Variants in PTPRH observed in about 807,000 individuals in gnomAD.
PTPRH encodes protein tyrosine phosphatase receptor type H.
In PTPRH, 113 loss-of-function variants were observed where a neutral mutation model predicts 130.2. The observed-to-expected ratio is 0.87, with a 90% confidence interval of 0.75 to 1.01. PTPRH has a LOEUF of 1.01. Ranked by LOEUF, PTPRH falls within the 50% of genes least tolerant of loss-of-function variation. PTPRH has a pLI of 0.00. For missense variants in PTPRH, 1,430 were observed against 1,425.0 expected (o/e 1.00, Z -0.06); for synonymous variants, 556 against 577.9 (o/e 0.96, Z 0.54).
chr19:55,201,427 G>T (rs995243089), intron 6 of PTPRH, among the ~76,000 whole-genome samples: 5 of 152,230 alleles, frequency 3.3e-5, no homozygotes, highest in African/African-American at 1.2e-4. Context: ...GTGTGGTGAT[G>T]AAGACAGTCT....
Position 55,185,864 on chromosome 19 carries a change from G to A in PTPRH, c.2899C>T (p.Gln967Ter), listed in dbSNP as rs772345775. Residue 967 changes from glutamine (Q) to a stop codon, truncating the protein, a stop_gained and splice_region_variant, in exon 17 of 20, where the codon CAG (glutamine) becomes TAG (stop). Transcript: ENST00000376350. LOFTEE classifies it high-confidence loss of function. ...NWTVRELLLL[Q>*]VEEQKTLSVR... ...AGGACGGGGCTGGACACACGCACCTGGAGGAGCAGCAGTTCCCGCACCGTC... is the reference window on the plus strand; with the variant it reads ...AGGACGGGGCTGGACACACGCACCTAGAGGAGCAGCAGTTCCCGCACCGTC... 3 of 1,614,162 alleles carry A rather than the reference G, an allele frequency of 1.9e-6. No homozygotes were observed. The Admixed American group carries it at 5.0e-5, about 27-fold the overall frequency.
intron 18 of PTPRH, among the ~76,000 whole-genome samples, chr19:55,184,831 A>G (rs1037099134): frequency 6.6e-6 from 1 of 151,810 alleles, no homozygotes; most frequent in African/African-American, 2.4e-5. Flanking sequence ...AATAAATAAA[A>G]TAAAATAAAT....
chr19:55,198,628 C>A lies in PTPRH; in HGVS notation c.1690+15G>T. On this transcript the variant is annotated intron_variant, in intron 8 of 19. Coordinates refer to ENST00000376350, the MANE Select transcript of PTPRH (RefSeq NM_002842.5). The stretch of plus-strand genomic sequence containing the variant: ...CATCCTAATAGGGCTGGGTTCAGAA[C>A]CGACTGTGTCTCACCAGTGGCTGCA... The A allele has an allele frequency of 1.9e-6, 3 of 1,582,876 alleles. No homozygotes were observed. The highest frequency in any genetic ancestry group is 1.2e-5 in the South Asian group (1 of 86,452).
At chr19:55,202,674 T>TA (rs1491284359) in intron 5 of PTPRH, among the ~76,000 whole-genome samples, 35 of 151,752 alleles carry the variant, frequency 2.3e-4, no homozygotes, top group African/African-American at 4.8e-4. Flanking sequence ...TATATATATA[T>TA]TTTGTGGGTA....
chr19:55,186,953 G>A (rs991446767), intron 14 of PTPRH, among the ~76,000 whole-genome samples: 1 of 151,960 alleles, frequency 6.6e-6, no homozygotes, highest in Non-Finnish European at 1.5e-5. Flanking sequence ...GCTGAGGCGG[G>A]AGGATTGCTT....
In PTPRH at chr19:55,185,156, G is replaced by A. The variant is rs143910926; in HGVS notation, c.3062+346C>T. The stretch of plus-strand genomic sequence containing the variant: ...ATTACAGGTGCCCGCCACGACACCC[G>A]GCTAATTTTTGTATGTTTAGTAGAG... On this transcript the variant is annotated intron_variant, in intron 18 of 19. Coordinates refer to ENST00000376350, the MANE Select transcript of PTPRH (RefSeq NM_002842.5). 7.3e-4 allele frequency among the ~76,000 whole-genome samples: 111 copies of A among 151,930 alleles called. 1 individual carries two copies. The highest frequency in any genetic ancestry group is 2.5e-3 in the African/African-American group (103 of 41,428).
chr19:55,201,212 C>T (rs551926566), intron 6 of PTPRH, among the ~76,000 whole-genome samples: 47 of 152,044 alleles, frequency 3.1e-4, no homozygotes, highest in African/African-American at 1.1e-3. Flanking sequence ...AAGACCTCAT[C>T]TCTAAAAAAA....
Position 55,209,258 on chromosome 19 carries a change from T to C in PTPRH, c.51+125A>G, listed in dbSNP as rs2087166861. ...ACAGTCTCTGCCAAGCCTGAAGCCC[T>C]CTTCCTTCTCCAGGGGATCTTCAGC... is the stretch of plus-strand genomic sequence containing the variant. On this transcript the variant is annotated intron_variant, in intron 1 of 19. Transcript: ENST00000376350. The surrounding 1 kb of genome is among the most constrained non-coding windows in gnomAD (Gnocchi z 4.1). 5 of 838,612 alleles carry C rather than the reference T, an allele frequency of 6.0e-6. No homozygotes were observed. The highest frequency in any genetic ancestry group is 1.0e-5 in the Non-Finnish European group (5 of 502,068). 51.9% of individuals were successfully genotyped at this position (838,612 alleles called of 1,614,324 possible).
chr19:55,188,369 C>T (rs906524071), intron 12 of PTPRH, among the ~76,000 whole-genome samples: 2 of 151,976 alleles, frequency 1.3e-5, no homozygotes, highest in Admixed American at 6.6e-5. Context: ...AAAAATTAGC[C>T]GGGCGTGGTG....
At chr19:55,207,570 A>AGGGCCTGG (rs901570666) in intron 1 of PTPRH, among the ~76,000 whole-genome samples, 1 of 140,544 alleles carries the variant, frequency 7.1e-6, no homozygotes, top group Non-Finnish European at 1.5e-5. Context: ...CTGAGGGTGG[A>AGGGCCTGG]GGGCCTGGGG....
Position 55,188,060 on chromosome 19 carries a change from CCT to C in PTPRH, c.2475+16_2475+17del, listed in dbSNP as rs1712019760. The C allele has an allele frequency of 6.2e-7, 1 of 1,602,154 alleles. No individual in the cohort carries two copies. Among genetic ancestry groups the C allele is most frequent in the Admixed American group, 1.7e-5 (1 of 59,974 alleles). ...CACCGGAGGGAGACTGAGCTCAGCC[CCT>C]CTGTCCTCTCCCCACCTGGTACTCG... is the stretch of plus-strand genomic sequence containing the variant. On this transcript the variant is annotated intron_variant, in intron 13 of 19. Transcript: ENST00000376350.
In PTPRH at chr19:55,198,510, G is replaced by T. The variant is rs956024794; in HGVS notation, c.1690+133C>A. Reference sequence around the variant, plus strand: ...ACACCCACTAGGAACGGGACCTACAGGTTTAAGCTCCGGCCGGTGAGGCTG... The same window carrying T: ...ACACCCACTAGGAACGGGACCTACATGTTTAAGCTCCGGCCGGTGAGGCTG... On this transcript the variant is annotated intron_variant, in intron 8 of 19. Coordinates refer to ENST00000376350, the MANE Select transcript of PTPRH (RefSeq NM_002842.5). The T allele has an allele frequency of 4.0e-6, 4 of 994,170 alleles. No homozygotes were observed. The African/African-American group carries it at 5.0e-5, about 12-fold the overall frequency. The allele number at this position is 994,170 out of a possible 1,614,324, so 61.6% of individuals were successfully genotyped here.
At position 55,182,171 on chromosome 19, in the gene PTPRH, G is replaced by A; in HGVS notation, c.3063-20C>T. Reference sequence around the variant, plus strand: ...CCAGCACTAGGCAGAACAAGGGAAGGGTCAGACCAAGGGGCAGGAGTGTGA... The same window carrying A: ...CCAGCACTAGGCAGAACAAGGGAAGAGTCAGACCAAGGGGCAGGAGTGTGA... On this transcript the variant is annotated intron_variant, in intron 18 of 19. Transcript: ENST00000376350. 2 of 1,611,530 alleles carry A rather than the reference G, an allele frequency of 1.2e-6. No homozygotes were observed. Among genetic ancestry groups the A allele is most frequent in the Admixed American group, 1.7e-5 (1 of 59,990 alleles).
rs2086171932 is a variant in PTPRH at position 55,181,585 on chromosome 19, C to T, written c.*169G>A. ...AGCTCCCATAGGACTCATCTGAAGCCCACCAGACCACTCTCTCCTGGGGAA... is the reference window on the plus strand; with the variant it reads ...AGCTCCCATAGGACTCATCTGAAGCTCACCAGACCACTCTCTCCTGGGGAA... On this transcript the variant is annotated 3_prime_UTR_variant, in exon 20 of 20. Transcript: ENST00000376350. The T allele has an allele frequency of 1.1e-6, 1 of 881,252 alleles. No homozygotes were observed. Among genetic ancestry groups the T allele is most frequent in the Non-Finnish European group, 1.7e-6 (1 of 572,190 alleles). 54.6% of individuals were successfully genotyped at this position (881,252 alleles called of 1,614,324 possible). A position where few individuals can be genotyped will look rare whatever the true frequency, so the allele number is the denominator to read the frequency against.
At chr19:55,201,993 C>T (rs2122225867) in intron 6 of PTPRH, 63 bp downstream of exon 6, 3 of 1,589,786 alleles carry the variant, frequency 1.9e-6, no homozygotes, top group Non-Finnish European at 2.6e-6. Flanking sequence ...CAATCGTCTA[C>T]ATTCTACTGC....
chr19:55,207,945 G>A (rs1238615041), intron 1 of PTPRH, among the ~76,000 whole-genome samples: 1 of 53,542 alleles, frequency 1.9e-5, no homozygotes. Context: ...AGGGGCTGGG[G>A]GTCTGGATTC....
intron 3 of PTPRH, 54 bp downstream of exon 3, chr19:55,206,635 C>G: frequency 4.0e-6 from 6 of 1,506,368 alleles, no homozygotes; most frequent in Non-Finnish European, 3.6e-6. Context: ...CTCAACCACC[C>G]CCTACCACTG....
Position 55,187,498 on chromosome 19 carries a change from G to A in PTPRH, c.2566+15C>T, listed in dbSNP as rs758299501. On this transcript the variant is annotated intron_variant, in intron 14 of 19. Coordinates refer to ENST00000376350, the MANE Select transcript of PTPRH (RefSeq NM_002842.5). ...ATCAGGGCTGGGACAAAAGCAGCAG[G>A]AACCCGAGACTCACAGGGCAGCACA... 3 of 1,603,362 alleles carry A rather than the reference G, an allele frequency of 1.9e-6. No individual in the cohort carries two copies. The highest frequency in any genetic ancestry group is 2.6e-6 in the Non-Finnish European group (3 of 1,170,918).
Position 55,205,492 on chromosome 19 carries a change from G to A in PTPRH, c.453C>T (p.Thr151=), listed in dbSNP as rs753859236. The part of the protein sequence containing the change: ...VPDGPDPQNS[T]YGVEYTGDGG... ...CATCTCCAGTGTACTCAACCCCGTA[G>A]GTGGAGTTCTGTGGGTCTGGGCCGT... Residue 151 remains threonine, a synonymous_variant, in exon 4 of 20, where the codon ACC becomes ACT. Transcript: ENST00000376350. 1.9e-6 allele frequency: 3 copies of A among 1,614,216 alleles called. No homozygotes were observed. Among genetic ancestry groups the A allele is most frequent in the Admixed American group, 3.3e-5 (2 of 60,020 alleles).
Sources: gnomAD v4.1 joint callset for allele counts (sites outside exome capture counted in the v4.1 genomes callset) on GRCh38, gnomAD v4.1.1 for gene constraint, Gnocchi (gnomAD v3.1) non-coding constraint, MANE v1.5 for transcripts, NCBI Gene and HGNC (gene_info 2026-07-23, HGNC 2026-07-21) for gene names.